The following NTAN1 variants were observed in gnomAD, a reference collection of about 807,000 sequenced individuals.
NTAN1 encodes the protein N-terminal asparagine amidase.
Under a neutral mutation model 41.9 loss-of-function variants are expected in NTAN1, and 32 were observed. That is an observed-to-expected ratio of 0.76 (90% CI 0.58 to 1.03). The LOEUF is 1.03. NTAN1 is among the 50% of genes least tolerant of loss of function. The probability of loss-of-function intolerance (pLI) is 0.00; values close to 1 mark genes in which losing one functional copy is unlikely to be tolerated. For synonymous variants in NTAN1, 140 were observed against 139.5 expected, an observed-to-expected ratio of 1.00 and a Z score of -0.03; for missense variants, 377 against 377.5, an observed-to-expected ratio of 1.00 and a Z score of 0.01.
intron 1 of NTAN1, among the ~76,000 whole-genome samples, chr16:15,055,337 G>GCT (rs1441248674): frequency 6.6e-6 from 1 of 152,214 alleles, no homozygotes; most frequent in Non-Finnish European, 1.5e-5. Flanking sequence ...GGAAAGCAGG[G>GCT]CTCTCTCTCC....
chr16:15,052,639 G>C (rs1467713823), intron 1 of NTAN1, among the ~76,000 whole-genome samples: 2 of 152,162 alleles, frequency 1.3e-5, no homozygotes, highest in Non-Finnish European at 2.9e-5. Context: ...TTTCAGACCA[G>C]CCTGGCCAAC....
At chr16:15,047,712 C>G (rs2044132026) in intron 3 of NTAN1, 143 bp downstream of exon 3, 1 of 895,300 alleles carries the variant, frequency 1.1e-6, no homozygotes, top group Non-Finnish European at 1.9e-6. Flanking sequence ...GACCAGGACA[C>G]CAGGGAGACA....
intron 8 of NTAN1, 117 bp downstream of exon 8, chr16:15,039,852 T>C (rs1295374113): frequency 8.9e-6 from 6 of 675,864 alleles, no homozygotes; most frequent in Non-Finnish European, 5.3e-6. Flanking sequence ...TCCCTGATAA[T>C]GTACGGCTAT....
At chr16:15,054,342 C>A (rs571668482) in intron 1 of NTAN1, among the ~76,000 whole-genome samples, 1 of 152,348 alleles carries the variant, frequency 6.6e-6, no homozygotes, top group Non-Finnish European at 1.5e-5. Context: ...TCGAGAGAAG[C>A]AGCCCCGGTA....
At chr16:15,051,770 A>G (rs1193361041) in intron 1 of NTAN1, among the ~76,000 whole-genome samples, 1 of 139,238 alleles carries the variant, frequency 7.2e-6, no homozygotes, top group Non-Finnish European at 1.5e-5. Context: ...GCCAGATCAT[A>G]GCTCACTGCA....
At chr16:15,047,312 C>T (rs2044114234) in intron 4 of NTAN1, 130 bp downstream of exon 4, 4 of 683,188 alleles carry the variant, frequency 5.9e-6, no homozygotes, top group Non-Finnish European at 1.1e-5. Context: ...GTGCCAGGTT[C>T]TGTTCCAGGG....
At chr16:15,041,226 G>T (rs778592812) in intron 6 of NTAN1, 105 bp from the exon 7 acceptor site, 2 of 773,734 alleles carry the variant, frequency 2.6e-6, no homozygotes, top group Non-Finnish European at 4.5e-6. Flanking sequence ...TGCAGAAAGG[G>T]AGGAAAATTC....
rs553166241 is a variant in NTAN1, at chr16:15,038,139, T to A, written c.825A>T (p.Leu275Phe). ...VEHIRSTLMF[L>F]KKHPSPAHTL... is the part of the protein sequence containing the mutation. ...TGTGAGCTGGAGATGGGTGTTTTTT[T>A]AAAAACATCAAGGTAGATCTAATAT... is the stretch of plus-strand genomic sequence containing the variant. The change falls in exon 10 of 10, where the codon TTA (leucine) becomes TTT (phenylalanine). Residue 275 changes from leucine to phenylalanine, a missense_variant. Leu to Phe is a conservative substitution (Grantham distance 22). Coordinates refer to ENST00000287706, the MANE Select transcript of NTAN1 (RefSeq NM_173474.4). The A allele has an allele frequency of 4.0e-5, 64 of 1,612,378 alleles. No homozygotes were observed. The African/African-American group carries it at 5.2e-4, about 13-fold the overall frequency.
intron 7 of NTAN1, chr16:15,040,342 A>C: frequency 2.6e-6 from 1 of 385,208 alleles, no homozygotes; most frequent in Admixed American, 4.4e-5. Context: ...CTTCAGTCGG[A>C]CATGTAGCAA....
rs931119535 is a variant in NTAN1, at chr16:15,038,550, C to T, written c.753+24G>A. 4 of 1,297,050 alleles carry T rather than the reference C, an allele frequency of 3.1e-6. No individual in the cohort carries two copies. In the African/African-American group the frequency reaches 4.4e-5, roughly 14 times the overall value. The allele number at this position is 1,297,050 out of a possible 1,614,324, so 80.3% of individuals were successfully genotyped here. On this transcript the variant is annotated intron_variant, in intron 9 of 9. Coordinates refer to ENST00000287706, the MANE Select transcript of NTAN1 (RefSeq NM_173474.4). ...GAAACCAGGGTGCAGAGATTTAAGA[C>T]TTACCCAGCCTGTAAACTCTCACCT...
chr16:15,055,694 C>G, intron 1 of NTAN1, 197 bp downstream of exon 1: 1 of 373,284 alleles, frequency 2.7e-6, no homozygotes, highest in Non-Finnish European at 4.8e-6. Flanking sequence ...AGAGAGTGGC[C>G]TCCGGGGCAG....
Position 15,047,537 on chromosome 16 carries a change from G to C in NTAN1, c.264C>G (p.Thr88=), listed in dbSNP as rs370080167. 129 of 1,613,188 alleles carry C rather than the reference G, an allele frequency of 8.0e-5. No individual in the cohort carries two copies. Among genetic ancestry groups the C allele is most frequent in the Middle Eastern group, 4.9e-4 (3 of 6,084 alleles). Residue 88 remains threonine (T), a synonymous_variant, in exon 4 of 10, where the codon ACC becomes ACG. Coordinates refer to ENST00000287706, the MANE Select transcript of NTAN1 (RefSeq NM_173474.4). ...CGGTTCCGTCACAATGTGTCAAGCA[G>C]GTGGCCCCATTACCTGAAGAACAAG... ...VVLRHTGNGA[T]CLTHCDGTDT...
intron 1 of NTAN1, 151 bp downstream of exon 1, chr16:15,055,740 C>T (rs2044484243): frequency 1.7e-5 from 7 of 401,236 alleles, no homozygotes; most frequent in Non-Finnish European, 3.0e-5. Flanking sequence ...AACTCCCCGA[C>T]CCCTCAAGGG....
Position 15,041,121 on chromosome 16 carries a change from T to A in NTAN1, c.488A>T (p.Glu163Val). 6.5e-7 allele frequency: 1 copy of A among 1,537,780 alleles called. No individual in the cohort carries two copies. Among genetic ancestry groups the A allele is most frequent in the Non-Finnish European group, 9.0e-7 (1 of 1,110,352 alleles). Reference sequence around the variant, plus strand: ...TTCGTTTTCTTCCCGGTCATTTAATTCTACAAAATAAGAATGTTTAAGATA... The same window carrying A: ...TTCGTTTTCTTCCCGGTCATTTAATACTACAAAATAAGAATGTTTAAGATA... ...DIHLVTLCVT[E>V]LNDREENENH... Residue 163 changes from glutamate (E) to valine (V), a missense_variant and splice_region_variant, in exon 7 of 10, where the codon GAA becomes GTA. By Grantham distance (121) the Glu-to-Val change is moderately radical. Coordinates refer to ENST00000287706, the MANE Select transcript of NTAN1 (RefSeq NM_173474.4).
intron 1 of NTAN1, among the ~76,000 whole-genome samples, chr16:15,055,080 C>T (rs2044450885): frequency 6.6e-6 from 1 of 152,140 alleles, no homozygotes; most frequent in Non-Finnish European, 1.5e-5. Flanking sequence ...CGTTGCCCAA[C>T]AGATATTAGG....
At position 15,043,820 on chromosome 16, in the gene NTAN1, C is replaced by T. The variant is rs541156257; in HGVS notation, c.433+514G>A. Among the ~76,000 whole-genome samples, 4 of 152,012 alleles carry T rather than the reference C, an allele frequency of 2.6e-5. No individual in the cohort carries two copies. The East Asian group carries it at 7.8e-4, about 30-fold the overall frequency. On this transcript the variant is annotated intron_variant, in intron 5 of 9. Transcript: ENST00000287706. The stretch of plus-strand genomic sequence containing the variant: ...AAAATTAGGTGGGTGTGGTGGCGCA[C>T]GCCTGTGATCCCAGCTACTCAGGAG...
Position 15,040,032 on chromosome 16 carries a change from T to C in NTAN1, c.576A>G (p.Ala192=), listed in dbSNP as rs14347. 6.2e-7 allele frequency: 1 copy of C among 1,610,160 alleles called. No homozygotes were observed. Among genetic ancestry groups the C allele is most frequent in the South Asian group, 1.1e-5 (1 of 90,898 alleles). Residue 192 remains alanine, a synonymous_variant, in exon 8 of 10, where the codon GCA becomes GCG. Coordinates refer to ENST00000287706, the MANE Select transcript of NTAN1 (RefSeq NM_173474.4). ...CCTCCGGACCCCGATCTTGAAAGGA[T>C]GCTCTGTAAATCTCTGCAGTCTTAA... The part of the protein sequence containing the change: ...VNIKTAEIYR[A]SFQDRGPEEQ...
chr16:15,041,644 A>G lies in NTAN1; in HGVS notation c.466T>C (p.Leu156=). The G allele has an allele frequency of 6.2e-7, 1 of 1,611,916 alleles. No individual in the cohort carries two copies. The highest frequency in any genetic ancestry group is 8.5e-7 in the Non-Finnish European group (1 of 1,177,926). Residue 156 remains leucine (L), a synonymous_variant, in exon 6 of 10, where the codon TTA becomes CTA. Coordinates refer to ENST00000287706, the MANE Select transcript of NTAN1 (RefSeq NM_173474.4). ...EFDRQEDDIH[L]VTLCVTELND... is the part of the protein sequence containing the mutation. ...TTACCTGTCACACATAATGTCACTA[A>G]GTGAATGTCATCTTCTTGCCTGTCA...
rs545418801 is a variant in NTAN1, at chr16:15,041,292, G to A, written c.488-171C>T. On this transcript the variant is annotated intron_variant, in intron 6 of 9. Transcript: ENST00000287706. ...CCCTACCCTGTCCCAAGGCAGGGGG[G>A]TTTATACTGAACAAACTGGCAGCTG... Among the ~76,000 whole-genome samples, 7 of 152,122 alleles carry A rather than the reference G, an allele frequency of 4.6e-5. 1 individual carries two copies. Among genetic ancestry groups the A allele is most frequent in the Non-Finnish European group, 1.0e-4 (7 of 68,020 alleles).
Sources: gnomAD v4.1 joint callset for allele counts (sites outside exome capture counted in the v4.1 genomes callset) on GRCh38, gnomAD v4.1.1 for gene constraint, MANE v1.5 for transcripts, NCBI Gene and HGNC (gene_info 2026-07-23, HGNC 2026-07-21) for gene names.